USP20: variants seen among roughly 807,000 people sequenced by gnomAD.
USP20 encodes ubiquitin carboxyl-terminal hydrolase 20.
A neutral mutation model predicts 124.2 loss-of-function variants in USP20; 80 were observed. The observed-to-expected ratio is 0.64, with a 90% CI of 0.54 to 0.78. USP20 has a LOEUF of 0.78. Among genes scored for constraint, USP20 ranks in the 30% least tolerant of loss-of-function variants. USP20 has a pLI of 0.00. For synonymous variants in USP20, 481 were observed against 512.3 expected, an observed-to-expected ratio of 0.94 and a Z score of 0.83; for missense variants, 1,043 against 1,244.4, an observed-to-expected ratio of 0.84 and a Z score of 2.44.
At chr9:129,853,027 C>T (rs2033012101) in intron 3 of USP20, among the ~76,000 whole-genome samples, 1 of 152,060 alleles carries the variant, frequency 6.6e-6, no homozygotes, top group African/African-American at 2.4e-5. Context: ...GATGTGTTGC[C>T]ATCCTTTTGG....
At chr9:129,872,702 T>G (rs957104029) in intron 15 of USP20, among the ~76,000 whole-genome samples, 4 of 152,140 alleles carry the variant, frequency 2.6e-5, no homozygotes, top group Admixed American at 2.6e-4. Flanking sequence ...ATTTTCACAG[T>G]GTGCATGGAG....
In USP20 at chr9:129,839,674, G is replaced by A. The variant is rs7037922; in HGVS notation, c.-129+4175G>A. Among the ~76,000 whole-genome samples the A allele has an allele frequency of 0.19, 28,475 of 151,950 alleles. 3,198 individuals carry two copies. The highest frequency in any genetic ancestry group is 0.26 in the South Asian group (1,255 of 4,804). ...TGTGGTTGGGGTCAGCGTGGGCAGG[G>A]CTGTGGGCATCGTTGTGTGGGTGGG... On this transcript the variant is annotated intron_variant, in intron 1 of 25. Transcript: ENST00000372429. This position sits in a 1 kb window ranked among gnomAD's most constrained non-coding sequence, Gnocchi z 4.5.
chr9:129,880,047 T>C, intron 24 of USP20, 66 bp from the exon 25 acceptor site: 1 of 1,573,416 alleles, frequency 6.4e-7, no homozygotes, highest in Admixed American at 1.8e-5. Context: ...GAGCCCCCAC[T>C]GCCCAGGCCG....
intron 1 of USP20, among the ~76,000 whole-genome samples, chr9:129,845,001 G>A (rs1025529006): frequency 1.3e-5 from 2 of 152,020 alleles, no homozygotes; most frequent in African/African-American, 4.8e-5. Flanking sequence ...TGGGCAACAC[G>A]GCAAAACCCT....
Position 129,861,540 on chromosome 9 carries a change from C to T in USP20, c.428-3C>T. The T allele has an allele frequency of 6.2e-7, 1 of 1,614,050 alleles. No individual in the cohort carries two copies. Among genetic ancestry groups the T allele is most frequent in the Non-Finnish European group, 8.5e-7 (1 of 1,179,980 alleles). Reference sequence around the variant, plus strand: ...GCTCCTCCCCGTTGTGTTTATTTCCCAGGCCTCACGGGCATGAAGAACCTC... The same window carrying T: ...GCTCCTCCCCGTTGTGTTTATTTCCTAGGCCTCACGGGCATGAAGAACCTC... On this transcript the variant is annotated splice_region_variant and splice_polypyrimidine_tract_variant and intron_variant, in intron 7 of 25. Transcript: ENST00000372429.
Position 129,874,974 on chromosome 9 carries a change from C to A in USP20, c.2048+19C>A. ...TCTACAGGTGGGCGCTGGGCCAGGC[C>A]TGGTGGAGGAACCTCACCATCCCCG... is the stretch of plus-strand genomic sequence containing the variant. On this transcript the variant is annotated intron_variant, in intron 19 of 25. Coordinates refer to ENST00000372429, the MANE Select transcript of USP20 (RefSeq NM_001110303.4). 1 of 1,611,364 alleles carries A rather than the reference C, an allele frequency of 6.2e-7. No homozygotes were observed. The highest frequency in any genetic ancestry group is 2.2e-5 in the East Asian group (1 of 44,854).
intron 3 of USP20, among the ~76,000 whole-genome samples, chr9:129,855,445 AAAG>A (rs2033162679): frequency 4.6e-5 from 7 of 152,128 alleles, no homozygotes; most frequent in East Asian, 1.9e-4. Context: ...CAAAAAAAAA[AAAG>A]AAGTTTCTTT....
At chr9:129,846,260 T>A (rs1564197272) in intron 1 of USP20, among the ~76,000 whole-genome samples, 7 of 124,544 alleles carry the variant, frequency 5.6e-5, no homozygotes, top group African/African-American at 2.1e-4. Context: ...TTTTTTTTTT[T>A]TTTTTTTTTT....
In USP20 at chr9:129,837,453, C is replaced by T. The variant is rs534222270; in HGVS notation, c.-129+1954C>T. Reference sequence around the variant, plus strand: ...TCCGATTGGATTTGGGATCCAGCAACGTGATACAGTTCACAGCCCAGCTAT... The same window carrying T: ...TCCGATTGGATTTGGGATCCAGCAATGTGATACAGTTCACAGCCCAGCTAT... On this transcript the variant is annotated intron_variant, in intron 1 of 25. Coordinates refer to ENST00000372429, the MANE Select transcript of USP20 (RefSeq NM_001110303.4). Among the ~76,000 whole-genome samples, 49 of 152,258 alleles carry T rather than the reference C, an allele frequency of 3.2e-4. No individual in the cohort carries two copies. In the South Asian group the frequency reaches 0.01, roughly 32 times the overall value.
intron 14 of USP20, chr9:129,870,240 G>A (rs2034050057): frequency 3.4e-6 from 2 of 590,972 alleles, no homozygotes; most frequent in African/African-American, 1.9e-5. Flanking sequence ...ACAGATGAAG[G>A]AGGCCAGGCT....
chr9:129,836,263 C>T (rs2031826360), intron 1 of USP20, among the ~76,000 whole-genome samples: 1 of 152,210 alleles, frequency 6.6e-6, no homozygotes, highest in African/African-American at 2.4e-5. Flanking sequence ...AGTGTCATCC[C>T]TTACTTTGAG....
chr9:129,854,981 C>T (rs192286313), intron 3 of USP20, among the ~76,000 whole-genome samples: 4 of 152,280 alleles, frequency 2.6e-5, no homozygotes, highest in Non-Finnish European at 5.9e-5. Context: ...AGGTTTGTGA[C>T]CTTGCTGCAC....
intron 1 of USP20, among the ~76,000 whole-genome samples, chr9:129,845,908 GT>G (rs1052918390): frequency 6.6e-6 from 1 of 151,458 alleles, no homozygotes; most frequent in Non-Finnish European, 1.5e-5. Context: ...GTAATAATAG[GT>G]TTTTTTTGTT....
At position 129,868,048 on chromosome 9, in the gene USP20, A is replaced by T. The variant is rs1378370969; in HGVS notation, c.734A>T (p.Glu245Val). Residue 245 changes from glutamate (E) to valine (V), a missense_variant, in exon 11 of 26, where the codon GAG becomes GTG. Physicochemically the swap from Glu to Val is moderately radical, Grantham distance 121. Coordinates refer to ENST00000372429, the MANE Select transcript of USP20 (RefSeq NM_001110303.4). Reference sequence around the variant, plus strand: ...CGCTGCCTGATGGACCAGCTGCACGAGGAGCTCAAGGAGCCGGTGGTGGCC... The same window carrying T: ...CGCTGCCTGATGGACCAGCTGCACGTGGAGCTCAAGGAGCCGGTGGTGGCC... ...FLRCLMDQLH[E>V]ELKEPVVATV... 12 of 1,613,994 alleles carry T rather than the reference A, an allele frequency of 7.4e-6. No individual in the cohort carries two copies. The highest frequency in any genetic ancestry group is 1.0e-5 in the Non-Finnish European group (12 of 1,180,008).
chr9:129,872,353 A>G (rs148476557), intron 15 of USP20, among the ~76,000 whole-genome samples: 3,231 of 152,070 alleles, frequency 0.021, 125 homozygotes, highest in African/African-American at 0.075. Context: ...GGGTTTTGCC[A>G]TGTTGGCCAG....
intron 9 of USP20, among the ~76,000 whole-genome samples, chr9:129,864,125 A>G (rs1355939322): frequency 6.6e-6 from 1 of 151,196 alleles, no homozygotes; most frequent in African/African-American, 2.4e-5. Flanking sequence ...AAACAAAAAC[A>G]AAACAAACCA....
At chr9:129,853,157 A>AC (rs1362750585) in intron 3 of USP20, among the ~76,000 whole-genome samples, 1 of 76,082 alleles carries the variant, frequency 1.3e-5, no homozygotes, top group Non-Finnish European at 2.6e-5. Flanking sequence ...TCCCCAGCCC[A>AC]CCCCCGGGTA....
At chr9:129,865,476 C>A in intron 10 of USP20, 95 bp downstream of exon 10, 2 of 1,337,324 alleles carry the variant, frequency 1.5e-6, no homozygotes, top group Non-Finnish European at 2.1e-6. Flanking sequence ...GCAATGGCAG[C>A]TGAGCACTGG....
At chr9:129,873,048 C>CTCAGGTTT in intron 15 of USP20, among the ~76,000 whole-genome samples, 2 of 144,146 alleles carry the variant, frequency 1.4e-5, no homozygotes, top group East Asian at 4.1e-4. Context: ...TCCAGTACCT[C>CTCAGGTTT]TCAGGTTTTA....
Sources: gnomAD v4.1 joint callset for allele counts (sites outside exome capture counted in the v4.1 genomes callset) on GRCh38, gnomAD v4.1.1 for gene constraint, Gnocchi (gnomAD v3.1) non-coding constraint, MANE v1.5 for transcripts, NCBI Gene and HGNC (gene_info 2026-07-23, HGNC 2026-07-21) for gene names.